The following SH3GL1 variants were observed in gnomAD, a reference collection of about 807,000 sequenced individuals.
The protein encoded by SH3GL1 is SH3 domain containing GRB2 like 1, endophilin A2, also known as endophilin-A2.
A neutral mutation model predicts 48.8 loss-of-function variants in SH3GL1; 21 were observed. The ratio of observed to expected loss-of-function variants is 0.43; its 90% confidence interval spans 0.30 to 0.62. SH3GL1 has a LOEUF of 0.62. SH3GL1 is among the 20% of genes least tolerant of loss of function. The probability of loss-of-function intolerance (pLI) is 0.11; values close to 1 mark genes in which losing one functional copy is unlikely to be tolerated. For missense variants in SH3GL1, 454 were observed against 503.0 expected, an observed-to-expected ratio of 0.90 and a Z score of 0.93; for synonymous variants, 282 against 217.5, an observed-to-expected ratio of 1.30 and a Z score of -2.61.
intron 5 of SH3GL1, 94 bp downstream of exon 5, chr19:4,363,994 G>A (rs972685590): frequency 4.4e-6 from 7 of 1,602,114 alleles, no homozygotes; most frequent in South Asian, 1.1e-5. Context: ...GACCCAGAGG[G>A]CAGTGCCGAG....
At chr19:4,382,723 G>A (rs1389503793) in intron 1 of SH3GL1, among the ~76,000 whole-genome samples, 1 of 152,160 alleles carries the variant, frequency 6.6e-6, no homozygotes, top group African/African-American at 2.4e-5. Context: ...GGCAGCCGTG[G>A]CGGGTGCTGT....
At chr19:4,379,088 A>G (rs1973068787) in intron 1 of SH3GL1, among the ~76,000 whole-genome samples, 1 of 152,262 alleles carries the variant, frequency 6.6e-6, no homozygotes, top group South Asian at 2.1e-4. Flanking sequence ...AAATGCTCAC[A>G]GCACGGGACA....
At chr19:4,387,775 G>A (rs771325915) in intron 1 of SH3GL1, among the ~76,000 whole-genome samples, 57 of 151,938 alleles carry the variant, frequency 3.8e-4, no homozygotes, top group Non-Finnish European at 5.3e-4. Context: ...CCTTCACCTC[G>A]CAGGTTCCAG....
rs1973014918 is a variant in SH3GL1 at position 4,376,650 on chromosome 19, T to C, written c.46-9656A>G. 6.6e-6 allele frequency among the ~76,000 whole-genome samples: 1 copy of C among 151,552 alleles called. No individual in the cohort carries two copies. The highest frequency in any genetic ancestry group is 6.6e-5 in the Admixed American group (1 of 15,222). Reference sequence around the variant, plus strand: ...GCCTGGGCGGCCCCCCCATCTCCCCTCAGAGCTTTTGCTCTCGCTGTTCCT... The same window carrying C: ...GCCTGGGCGGCCCCCCCATCTCCCCCCAGAGCTTTTGCTCTCGCTGTTCCT... On this transcript the variant is annotated intron_variant, in intron 1 of 9. Transcript: ENST00000269886. The surrounding 1 kb of genome is among the most constrained non-coding windows in gnomAD (Gnocchi z 4.3).
chr19:4,379,403 G>A (rs1973074584), intron 1 of SH3GL1, among the ~76,000 whole-genome samples: 1 of 150,940 alleles, frequency 6.6e-6, no homozygotes, highest in South Asian at 2.1e-4. Context: ...TCCTGCCTGG[G>A]TGACAGCGCA....
rs778439340 is a variant in SH3GL1, at chr19:4,362,364, G to C, written c.875C>G (p.Ser292Cys). 6 of 1,612,234 alleles carry C rather than the reference G, an allele frequency of 3.7e-6. No individual in the cohort carries two copies. The highest frequency in any genetic ancestry group is 5.1e-6 in the Non-Finnish European group (6 of 1,179,114). The stretch of plus-strand genomic sequence containing the variant: ...GCTAGGGGTCCGGATGGGCTTGTCG[G>C]AAGATCGGAAAGACGATGAAGCTAA... ...KIAASSSFRSSDKPIRTPSRS... is the reference protein window; with the variant it reads ...KIAASSSFRSCDKPIRTPSRS... The change falls in exon 9 of 10, where the codon TCC becomes TGC. Residue 292 changes from serine to cysteine, a missense_variant. By Grantham distance (112) the Ser-to-Cys change is moderately radical. Coordinates refer to ENST00000269886, the MANE Select transcript of SH3GL1 (RefSeq NM_003025.4).
chr19:4,375,568 T>A (rs1002495309), intron 1 of SH3GL1, among the ~76,000 whole-genome samples: 1 of 152,042 alleles, frequency 6.6e-6, no homozygotes, highest in African/African-American at 2.4e-5. Context: ...TTGCACAGGG[T>A]TTCATCCAAA....
At chr19:4,392,571 A>AC (rs1568422062) in intron 1 of SH3GL1, among the ~76,000 whole-genome samples, 33 of 142,384 alleles carry the variant, frequency 2.3e-4, no homozygotes, top group African/African-American at 7.9e-4. Context: ...CACACACACA[A>AC]AAGATCATTC....
intron 5 of SH3GL1, 55 bp from the exon 6 acceptor site, chr19:4,363,933 G>C (rs369299828): frequency 1.2e-6 from 2 of 1,609,510 alleles, no homozygotes; most frequent in Non-Finnish European, 1.7e-6. Context: ...GCCGCCCCAC[G>C]CATGGCTTTG....
chr19:4,361,485 TGGCGCC>T lies in SH3GL1; in HGVS notation c.*109_*114del. The T allele has an allele frequency of 6.6e-6, 5 of 755,818 alleles. No individual in the cohort carries two copies. Among genetic ancestry groups the T allele is most frequent in the Non-Finnish European group, 1.1e-5 (5 of 464,926 alleles). The allele number at this position is 755,818 out of a possible 1,614,324, so 46.8% of individuals were successfully genotyped here. A position where few individuals can be genotyped will look rare whatever the true frequency, so the allele number is the denominator to read the frequency against. On this transcript the variant is annotated 3_prime_UTR_variant, in exon 10 of 10. Transcript: ENST00000269886. ...AGTACCTCAAGGGCCGGGGCCCAGGTGGCGCCGGCAGGCTCAGACACCGCCCTGGCA... is the reference window on the plus strand; with the variant it reads ...AGTACCTCAAGGGCCGGGGCCCAGGTGGCAGGCTCAGACACCGCCCTGGCA...
rs1973290483 is a variant in SH3GL1 at position 4,389,193 on chromosome 19, T to C, written c.45+11131A>G. On this transcript the variant is annotated intron_variant, in intron 1 of 9. Transcript: ENST00000269886. This position sits in a 1 kb window ranked among gnomAD's most constrained non-coding sequence, Gnocchi z 4.5. The stretch of plus-strand genomic sequence containing the variant: ...CCAGTGCCCAGCAGAACATGGCCCA[T>C]CACACATGCCCGAGCACAGCCCAGC... Among the ~76,000 whole-genome samples the C allele has an allele frequency of 6.6e-6, 1 of 152,056 alleles. No individual in the cohort carries two copies. The highest frequency in any genetic ancestry group is 6.5e-5 in the Admixed American group (1 of 15,282).
intron 1 of SH3GL1, among the ~76,000 whole-genome samples, chr19:4,393,290 A>C (rs1227213200): frequency 7.0e-6 from 1 of 143,104 alleles, no homozygotes; most frequent in Admixed American, 7.2e-5. Context: ...ATAACAAAAC[A>C]AACAAACAAA....
Position 4,362,375 on chromosome 19 carries a change from A to G in SH3GL1, c.864T>C (p.Ser288=), listed in dbSNP as rs1399124580. Residue 288 remains serine (S), a synonymous_variant, in exon 9 of 10, where the codon TCT becomes TCC. Coordinates refer to ENST00000269886, the MANE Select transcript of SH3GL1 (RefSeq NM_003025.4). The part of the protein sequence containing the change: ...TTAPKIAASS[S]FRSSDKPIRT... ...GGATGGGCTTGTCGGAAGATCGGAA[A>G]GACGATGAAGCTAAACACAAGCAAA... is the stretch of plus-strand genomic sequence containing the variant. 1 of 1,611,814 alleles carries G rather than the reference A, an allele frequency of 6.2e-7. No homozygotes were observed.
At chr19:4,387,669 T>C (rs1335084616) in intron 1 of SH3GL1, among the ~76,000 whole-genome samples, 2 of 152,178 alleles carry the variant, frequency 1.3e-5, no homozygotes, top group Non-Finnish European at 2.9e-5. Flanking sequence ...ATTGTTTTGC[T>C]GCTGTTGTAT....
chr19:4,365,569 T>A lies in SH3GL1; in HGVS notation c.244A>T (p.Lys82Ter). 6.2e-7 allele frequency: 1 copy of A among 1,614,090 alleles called. No individual in the cohort carries two copies. Among genetic ancestry groups the A allele is most frequent in the Non-Finnish European group, 8.5e-7 (1 of 1,180,030 alleles). Residue 82 changes from lysine to a stop codon, truncating the protein, a stop_gained, in exon 4 of 10, where the codon AAG (lysine) becomes TAG (stop). Coordinates refer to ENST00000269886, the MANE Select transcript of SH3GL1 (RefSeq NM_003025.4). LOFTEE classifies it high-confidence loss of function. ...NTVSKIRGQVKNPGYPQSEGL... is the reference protein window; with the variant it reads ...NTVSKIRGQV ...TCCGACTGCGGGTAGCCGGGGTTCT[T>A]CACCTGGCCCCGGATCTTGGACACC...
chr19:4,393,518 C>T lies in SH3GL1; in HGVS notation c.45+6806G>A, dbSNP rs374328887. On this transcript the variant is annotated intron_variant, in intron 1 of 9. Coordinates refer to ENST00000269886, the MANE Select transcript of SH3GL1 (RefSeq NM_003025.4). ...AAAAAATAAATAAAAATAGGCGAGG[C>T]ACAGTGGCTCACTCCTGTAATCCCA... Among the ~76,000 whole-genome samples, 4 of 152,200 alleles carry T rather than the reference C, an allele frequency of 2.6e-5. No homozygotes were observed. The East Asian group carries it at 7.8e-4, about 29-fold the overall frequency.
rs183834740 is a variant in SH3GL1 at position 4,369,165 on chromosome 19, C to T, written c.46-2171G>A. Among the ~76,000 whole-genome samples, 42 of 152,308 alleles carry T rather than the reference C, an allele frequency of 2.8e-4. 1 individual carries two copies. In the South Asian group the frequency reaches 5.8e-3, roughly 21 times the overall value. ...GGTGAGAAGCAGGAACTGTCCCTTG[C>T]GGGGCAGGAGAGTGGGGCTGCCCTC... On this transcript the variant is annotated intron_variant, in intron 1 of 9. Transcript: ENST00000269886.
At chr19:4,386,979 C>A (rs1973247790) in intron 1 of SH3GL1, among the ~76,000 whole-genome samples, 1 of 152,202 alleles carries the variant, frequency 6.6e-6, no homozygotes, top group South Asian at 2.1e-4. Flanking sequence ...CTCTGTCGCC[C>A]AGGCTGGAGT....
At chr19:4,381,446 C>T (rs1973127315) in intron 1 of SH3GL1, among the ~76,000 whole-genome samples, 1 of 123,996 alleles carries the variant, frequency 8.1e-6, no homozygotes, top group African/African-American at 3.2e-5. Context: ...CCTCTCTGTC[C>T]CCCTACCTCT....
Sources: allele counts gnomAD v4.1 joint callset (sites outside exome capture counted in the v4.1 genomes callset), GRCh38; gene constraint gnomAD v4.1.1; non-coding constraint Gnocchi (gnomAD v3.1); transcripts MANE v1.5; gene names NCBI Gene and HGNC (gene_info 2026-07-23, HGNC 2026-07-21).